Variants in ARFIP1 observed in about 807,000 individuals in gnomAD.
ARFIP1 encodes arfaptin-1.
In ARFIP1, 24 loss-of-function variants were observed where a neutral mutation model predicts 42.5. The observed-to-expected ratio is 0.57, with a 90% CI of 0.41 to 0.80. The LOEUF is 0.80. ARFIP1 is among the 30% of genes least tolerant of loss of function. The probability of loss-of-function intolerance (pLI) is 0.00; values close to 1 mark genes in which losing one functional copy is unlikely to be tolerated. For synonymous variants in ARFIP1, 141 were observed against 153.7 expected (o/e 0.92, Z 0.61); for missense variants, 354 against 434.0 (o/e 0.82, Z 1.64).
chr4:152,870,186 T>C (rs1331929758), intron 3 of ARFIP1, among the ~76,000 whole-genome samples: 1 of 152,208 alleles, frequency 6.6e-6, no homozygotes, highest in Non-Finnish European at 1.5e-5. Context: ...TTGAAGAAGG[T>C]CCTCTATGTC....
At position 152,888,118 on chromosome 4, in the gene ARFIP1, C is replaced by A; in HGVS notation, c.792-15C>A. 6.3e-7 allele frequency: 1 copy of A among 1,582,836 alleles called. No homozygotes were observed. Among genetic ancestry groups the A allele is most frequent in the Non-Finnish European group, 8.6e-7 (1 of 1,167,670 alleles). On this transcript the variant is annotated splice_polypyrimidine_tract_variant and intron_variant, in intron 7 of 8. Coordinates refer to ENST00000353617, the MANE Select transcript of ARFIP1 (RefSeq NM_001025595.3). ...CTGTTCTTGTAGTATGCTTCACTTA[C>A]TCTCTTCTTTCCAGGATTGAATATG...
At chr4:152,809,890 A>C (rs1282048985) in intron 1 of ARFIP1, among the ~76,000 whole-genome samples, 1 of 152,224 alleles carries the variant, frequency 6.6e-6, no homozygotes, top group Non-Finnish European at 1.5e-5. Context: ...GTCATGTAAG[A>C]GTATTTGCTC....
intron 2 of ARFIP1, among the ~76,000 whole-genome samples, chr4:152,861,226 C>A (rs1733867126): frequency 6.6e-6 from 1 of 152,120 alleles, no homozygotes. Context: ...CCCAGAGAGT[C>A]CTCCAAAGAT....
At chr4:152,820,932 A>G (rs1730316614) in intron 1 of ARFIP1, among the ~76,000 whole-genome samples, 1 of 152,366 alleles carries the variant, frequency 6.6e-6, no homozygotes, top group Non-Finnish European at 1.5e-5. Context: ...ACAATAAACT[A>G]CAAACATTTA....
chr4:152,873,266 G>A (rs377645144), intron 5 of ARFIP1, among the ~76,000 whole-genome samples: 1 of 152,252 alleles, frequency 6.6e-6, no homozygotes, highest in African/African-American at 2.4e-5. Flanking sequence ...CCCTATATTC[G>A]TGAACTGATT....
At chr4:152,876,168 G>A (rs752316672) in intron 5 of ARFIP1, among the ~76,000 whole-genome samples, 1 of 152,160 alleles carries the variant, frequency 6.6e-6, no homozygotes, top group Non-Finnish European at 1.5e-5. Flanking sequence ...ATGTGGAAGC[G>A]ACTGTGGAAC....
chr4:152,881,152 G>C lies in ARFIP1; in HGVS notation c.601G>C (p.Ala201Pro), dbSNP rs1226513087. ...CCAAAGGCAACTTGGAGATGCATTT[G>C]CTGACCTGAGTTTGAAGTCACTAGA... Reference protein sequence around the residue: ...HTQRQLGDAFADLSLKSLELH... With the variant: ...HTQRQLGDAFPDLSLKSLELH... The change falls in exon 6 of 9, where the codon GCT becomes CCT. Residue 201 changes from alanine to proline, a missense_variant. Coordinates refer to ENST00000353617, the MANE Select transcript of ARFIP1 (RefSeq NM_001025595.3). The C allele has an allele frequency of 1.2e-6, 2 of 1,613,398 alleles. No individual in the cohort carries two copies. Among genetic ancestry groups the C allele is most frequent in the Non-Finnish European group, 1.7e-6 (2 of 1,179,638 alleles).
chr4:152,845,282 T>G (rs1732445124), intron 2 of ARFIP1, among the ~76,000 whole-genome samples: 1 of 152,130 alleles, frequency 6.6e-6, no homozygotes, highest in Non-Finnish European at 1.5e-5. Flanking sequence ...GGAAACACCA[T>G]CTGGCCATTG....
chr4:152,796,452 G>T (rs879500772), intron 1 of ARFIP1: 24 of 737,018 alleles, frequency 3.3e-5, no homozygotes, highest in Non-Finnish European at 5.2e-5. Flanking sequence ...TAATGCTTCT[G>T]TTTCTCCCTG....
At chr4:152,898,628 A>G (rs1402026968) in intron 8 of ARFIP1, among the ~76,000 whole-genome samples, 6 of 152,214 alleles carry the variant, frequency 3.9e-5, no homozygotes, top group African/African-American at 7.2e-5. Context: ...AAAATCAATT[A>G]TATATAAAAT....
rs77941375 is a variant in ARFIP1 at position 152,885,427 on chromosome 4, C to T, written c.791+2547C>T. 1.9e-3 allele frequency among the ~76,000 whole-genome samples: 288 copies of T among 152,112 alleles called. 2 individuals are homozygous for T. The highest frequency in any genetic ancestry group is 6.0e-3 in the African/African-American group (251 of 41,536). On this transcript the variant is annotated intron_variant, in intron 7 of 8. Transcript: ENST00000353617. ...CACCAACAAGGGAGTCAATTGTGGT[C>T]GAGACTTTTCAGATGTGGACACCTG...
At chr4:152,872,962 A>T (rs562403636) in intron 5 of ARFIP1, among the ~76,000 whole-genome samples, 1 of 152,328 alleles carries the variant, frequency 6.6e-6, no homozygotes, top group Non-Finnish European at 1.5e-5. Context: ...TACTATAATA[A>T]CTAAGCATTA....
intron 1 of ARFIP1, among the ~76,000 whole-genome samples, chr4:152,826,449 TA>T (rs1046834394): frequency 6.6e-6 from 1 of 152,082 alleles, no homozygotes; most frequent in Non-Finnish European, 1.5e-5. Flanking sequence ...CAGAGTGGCA[TA>T]ATGGACATTG....
At chr4:152,847,672 A>G (rs1732673453) in intron 2 of ARFIP1, among the ~76,000 whole-genome samples, 1 of 152,190 alleles carries the variant, frequency 6.6e-6, no homozygotes, top group South Asian at 2.1e-4. Context: ...TCTGATTTGT[A>G]AACTGTGTGT....
chr4:152,875,903 G>A (rs1225447411), intron 5 of ARFIP1, among the ~76,000 whole-genome samples: 4 of 151,990 alleles, frequency 2.6e-5, no homozygotes, highest in Admixed American at 1.3e-4. Flanking sequence ...TAGTGAATAA[G>A]TCTCACAAGA....
intron 2 of ARFIP1, among the ~76,000 whole-genome samples, chr4:152,846,177 G>A (rs973563681): frequency 1.3e-5 from 2 of 152,102 alleles, no homozygotes; most frequent in Non-Finnish European, 2.9e-5. Flanking sequence ...CATAAAGATG[G>A]CAAGAATAGA....
chr4:152,879,648 G>A (rs1366666734), intron 5 of ARFIP1, among the ~76,000 whole-genome samples: 4 of 152,042 alleles, frequency 2.6e-5, no homozygotes, highest in Non-Finnish European at 5.9e-5. Context: ...TCAGGAGTTC[G>A]AGACCAGCCT....
At chr4:152,789,996 T>C (rs1731056830) in intron 1 of ARFIP1, among the ~76,000 whole-genome samples, 1 of 152,212 alleles carries the variant, frequency 6.6e-6, no homozygotes, top group African/African-American at 2.4e-5. Context: ...CTGGGCACTA[T>C]GTTTGCTCAT....
chr4:152,905,542 A>ATTATTTTTTTTTTT (rs1391678382), intron 8 of ARFIP1, among the ~76,000 whole-genome samples: 1 of 45,958 alleles, frequency 2.2e-5, no homozygotes, highest in Non-Finnish European at 4.2e-5. Context: ...AATTGTAAGA[A>ATTATTTTTTTTTTT]TTGTTTTTTT....
Sources: allele counts gnomAD v4.1 joint callset (sites outside exome capture counted in the v4.1 genomes callset), GRCh38; gene constraint gnomAD v4.1.1; transcripts MANE v1.5; gene names NCBI Gene and HGNC (gene_info 2026-07-23, HGNC 2026-07-21).